MYRIP: variants seen among roughly 807,000 people sequenced by gnomAD.
The protein encoded by MYRIP is myosin VIIA and Rab interacting protein, also known as rab effector MyRIP.
MYRIP carries 49 observed loss-of-function variants against 98.0 expected under a neutral mutation model. That is an observed-to-expected ratio of 0.50 (90% confidence interval 0.40 to 0.63). The LOEUF (loss-of-function observed/expected upper bound fraction) is 0.63, where lower values mean the gene tolerates loss of function less well. Ranked by LOEUF, MYRIP falls within the 30% of genes least tolerant of loss-of-function variation. The pLI is 0.00. For synonymous variants in MYRIP, 404 were observed against 409.5 expected (o/e 0.99, Z 0.16); for missense variants, 1,004 against 1,058.2 (o/e 0.95, Z 0.71).
At chr3:40,186,497 TG>T (rs1264436259) in intron 9 of MYRIP, among the ~76,000 whole-genome samples, 1 of 152,108 alleles carries the variant, frequency 6.6e-6, no homozygotes. Flanking sequence ...CTGGGGACTC[TG>T]GGAGCCAGTG....
chr3:40,098,402 G>A (rs554612550), intron 3 of MYRIP, among the ~76,000 whole-genome samples: 1 of 152,274 alleles, frequency 6.6e-6, no homozygotes, highest in East Asian at 1.9e-4. Flanking sequence ...GGAAAAGAGG[G>A]ACCCTTTGGT....
intron 3 of MYRIP, among the ~76,000 whole-genome samples, chr3:40,093,089 A>G (rs887523665): frequency 6.6e-6 from 1 of 152,148 alleles, no homozygotes; most frequent in Admixed American, 6.5e-5. Flanking sequence ...CAAAGAAGAG[A>G]CCCACAGCCA....
chr3:40,070,172 T>A (rs1471014596), intron 3 of MYRIP, among the ~76,000 whole-genome samples: 1 of 152,174 alleles, frequency 6.6e-6, no homozygotes, highest in Non-Finnish European at 1.5e-5. Flanking sequence ...ATAATTCTTA[T>A]AGAGAACATA....
rs28530502 is a variant in MYRIP, at chr3:39,919,694, G to A, written c.110+18768G>A. Among the ~76,000 whole-genome samples the A allele has an allele frequency of 5.0e-3, 298 of 59,052 alleles. 3 individuals carry two copies. Among genetic ancestry groups the A allele is most frequent in the African/African-American group, 0.024 (287 of 11,754 alleles). The allele number at this position is 59,052 out of a possible 152,430, so 38.7% of individuals were successfully genotyped here. On this transcript the variant is annotated intron_variant, in intron 2 of 16. Transcript: ENST00000302541. The stretch of plus-strand genomic sequence containing the variant: ...TCTGCCATGTGTGCGGGTATGTGTG[G>A]TGTGTGTGTGTGTGTGTGTGTGTGT...
chr3:39,909,597 C>A (rs1373223221), intron 2 of MYRIP, among the ~76,000 whole-genome samples: 2 of 152,172 alleles, frequency 1.3e-5, no homozygotes, highest in Admixed American at 6.5e-5. Flanking sequence ...AAGGAAAAGA[C>A]TTCCTGAAGG....
intron 1 of MYRIP, 75 bp from the exon 2 acceptor site, chr3:39,900,712 C>T: frequency 1.3e-6 from 1 of 787,100 alleles, no homozygotes; most frequent in South Asian, 1.7e-5. Flanking sequence ...ATATTTAACT[C>T]TATTTTAATA....
At chr3:39,918,133 C>A (rs1446008135) in intron 2 of MYRIP, among the ~76,000 whole-genome samples, 1 of 152,010 alleles carries the variant, frequency 6.6e-6, no homozygotes, top group Non-Finnish European at 1.5e-5. Flanking sequence ...TCACCGTGGT[C>A]TCGATCTCCT....
intron 9 of MYRIP, among the ~76,000 whole-genome samples, chr3:40,187,777 C>T (rs1013584875): frequency 3.9e-5 from 6 of 152,142 alleles, no homozygotes; most frequent in East Asian, 1.9e-4. Context: ...CATGGAAGAA[C>T]GTGGAATGAG....
chr3:39,832,309 G>T (rs1941474044), intron 1 of MYRIP, among the ~76,000 whole-genome samples: 1 of 152,152 alleles, frequency 6.6e-6, no homozygotes, highest in Non-Finnish European at 1.5e-5. Context: ...AGTGGAAATG[G>T]ATGTCTTACA....
chr3:40,234,098 A>G (rs1397584771), intron 12 of MYRIP, 45 bp downstream of exon 12: 6 of 1,538,458 alleles, frequency 3.9e-6, no homozygotes, highest in Non-Finnish European at 5.2e-6. Flanking sequence ...ATGTATGTGA[A>G]GAAGAAGCTG....
intron 2 of MYRIP, among the ~76,000 whole-genome samples, chr3:39,912,857 T>C (rs1944056142): frequency 6.6e-6 from 1 of 152,162 alleles, no homozygotes; most frequent in Non-Finnish European, 1.5e-5. Flanking sequence ...CTGGCCAATA[T>C]GGCAAAACCC....
chr3:40,156,366 A>C (rs923255098), intron 4 of MYRIP, among the ~76,000 whole-genome samples: 2 of 152,172 alleles, frequency 1.3e-5, no homozygotes, highest in Admixed American at 1.3e-4. Context: ...CTGTTTTGGT[A>C]CCAGTACCAT....
At chr3:39,821,459 A>G (rs1015893875) in intron 1 of MYRIP, among the ~76,000 whole-genome samples, 5 of 151,678 alleles carry the variant, frequency 3.3e-5, no homozygotes, top group Admixed American at 6.6e-5. Context: ...CATTGTTTCT[A>G]TTTATTAATC....
At chr3:39,975,046 G>T (rs1032247667) in intron 2 of MYRIP, among the ~76,000 whole-genome samples, 1 of 152,270 alleles carries the variant, frequency 6.6e-6, no homozygotes, top group Non-Finnish European at 1.5e-5. Flanking sequence ...TCTGGCCAGG[G>T]CAATCAGGCA....
intron 3 of MYRIP, among the ~76,000 whole-genome samples, chr3:40,052,209 T>C (rs760962353): frequency 6.6e-6 from 1 of 152,026 alleles, no homozygotes; most frequent in Non-Finnish European, 1.5e-5. Context: ...TCCCAGCCCC[T>C]GGTAACCACC....
chr3:39,842,050 T>C (rs1472911736), intron 1 of MYRIP, among the ~76,000 whole-genome samples: 1 of 152,152 alleles, frequency 6.6e-6, no homozygotes, highest in Non-Finnish European at 1.5e-5. Flanking sequence ...GCTGAAGCTG[T>C]GCCCACAGCC....
intron 1 of MYRIP, among the ~76,000 whole-genome samples, chr3:39,858,305 C>T (rs578179607): frequency 6.6e-5 from 10 of 151,964 alleles, no homozygotes; most frequent in Middle Eastern, 3.4e-3. Flanking sequence ...AGACAATGAA[C>T]GTCAGTATAT....
chr3:39,901,578 G>A (rs1559515682), intron 2 of MYRIP, among the ~76,000 whole-genome samples: 1 of 152,136 alleles, frequency 6.6e-6, no homozygotes, highest in Non-Finnish European at 1.5e-5. Context: ...GAGGTCATGT[G>A]TTAGGCCTAA....
intron 2 of MYRIP, among the ~76,000 whole-genome samples, chr3:39,960,537 A>G (rs17067132): frequency 0.17 from 25,983 of 152,132 alleles, 4,242 homozygotes; most frequent in African/African-American, 0.42. Flanking sequence ...TTATTCACCA[A>G]ACAGAACTCT....
Sources: allele counts gnomAD v4.1 joint callset (sites outside exome capture counted in the v4.1 genomes callset), GRCh38; gene constraint gnomAD v4.1.1; transcripts MANE v1.5; gene names NCBI Gene and HGNC (gene_info 2026-07-23, HGNC 2026-07-21).